Variants in SETDB1 observed in about 807,000 individuals in gnomAD.
The protein encoded by SETDB1 is SET domain bifurcated histone lysine methyltransferase 1, also known as histone-lysine N-methyltransferase SETDB1.
SETDB1 carries 31 observed loss-of-function variants against 137.4 expected under a neutral mutation model. The ratio of observed to expected loss-of-function variants is 0.23; its 90% CI spans 0.17 to 0.30. SETDB1 has a LOEUF of 0.30. Ranked by LOEUF, SETDB1 falls within the 10% of genes least tolerant of loss-of-function variation. SETDB1 has a pLI of 1.00. For synonymous variants in SETDB1, 548 were observed against 579.9 expected, an observed-to-expected ratio of 0.95 and a Z score of 0.79; for missense variants, 1,113 against 1,631.5, an observed-to-expected ratio of 0.68 and a Z score of 5.47.
chr1:150,940,029 T>G, intron 4 of SETDB1, 55 bp downstream of exon 4: 1 of 1,419,396 alleles, frequency 7.0e-7, no homozygotes, highest in Non-Finnish European at 9.9e-7. Flanking sequence ...AATAGGAGAA[T>G]TTTTTGGCCT....
At chr1:150,948,460 G>A (rs1239781274) in intron 10 of SETDB1, among the ~76,000 whole-genome samples, 3 of 151,820 alleles carry the variant, frequency 2.0e-5, no homozygotes, top group Non-Finnish European at 2.9e-5. Flanking sequence ...TAGTAGAGAC[G>A]GGATTTCTCC....
intron 2 of SETDB1, chr1:150,928,295 T>C: frequency 3.4e-6 from 1 of 294,912 alleles, no homozygotes. Context: ...TTTTATACTT[T>C]ATGAAGTACA....
chr1:150,938,858 A>G (rs1400779156), intron 3 of SETDB1, among the ~76,000 whole-genome samples: 1 of 129,390 alleles, frequency 7.7e-6, no homozygotes, highest in African/African-American at 3.0e-5. Context: ...ACGGGGTCTT[A>G]CTCTGTCACC....
chr1:150,955,859 C>T (rs587659157), intron 14 of SETDB1, among the ~76,000 whole-genome samples: 9 of 152,028 alleles, frequency 5.9e-5, no homozygotes, highest in East Asian at 3.9e-4. Context: ...GAGGCCAAGG[C>T]GGGCAGATCA....
chr1:150,945,172 A>G (rs753561423), intron 9 of SETDB1, 64 bp downstream of exon 9: 1 of 1,602,112 alleles, frequency 6.2e-7, no homozygotes, highest in South Asian at 1.1e-5. Context: ...AGAAGCAGTA[A>G]TGAGGATGGT....
At chr1:150,951,112 C>G (rs1399842232) in intron 13 of SETDB1, 22 bp downstream of exon 13, 1 of 1,589,884 alleles carries the variant, frequency 6.3e-7, no homozygotes, top group Non-Finnish European at 8.6e-7. Flanking sequence ...GGGGGAATTG[C>G]TGCCCCTGCT....
chr1:150,952,744 G>A (rs1014975017), intron 14 of SETDB1, among the ~76,000 whole-genome samples: 2 of 151,992 alleles, frequency 1.3e-5, no homozygotes, highest in Non-Finnish European at 2.9e-5. Context: ...AAAATTAGCC[G>A]GGCATGGTGG....
intron 14 of SETDB1, among the ~76,000 whole-genome samples, chr1:150,952,701 G>T (rs1272659659): frequency 6.6e-6 from 1 of 151,454 alleles, no homozygotes; most frequent in Non-Finnish European, 1.5e-5. Flanking sequence ...CCAACATGGA[G>T]AAATCCCGTC....
intron 15 of SETDB1, 61 bp downstream of exon 15, chr1:150,959,408 G>C: frequency 7.3e-7 from 1 of 1,373,200 alleles, no homozygotes; most frequent in Non-Finnish European, 1.0e-6. Context: ...AATTGAACCA[G>C]AGACAAATTG....
chr1:150,963,582 A>G lies in SETDB1; in HGVS notation c.3513A>G (p.Lys1171=), dbSNP rs773165978. The G allele has an allele frequency of 9.7e-5, 156 of 1,614,014 alleles. No homozygotes were observed. Among genetic ancestry groups the G allele is most frequent in the Non-Finnish European group, 1.2e-4 (143 of 1,179,970 alleles). ...AATCAACCCGAGGCTTTGCTCTTAA[A>G]TCAACCCATGGGATTGCAATTAAAT... The part of the protein sequence containing the change: ...AVKSTRGFAL[K]STHGIAIKST... Residue 1171 remains lysine (K), a synonymous_variant, in exon 20 of 22, where the codon AAA becomes AAG. Transcript: ENST00000692827.
In SETDB1 at chr1:150,949,485, A is replaced by C; in HGVS notation, c.1543A>C (p.Asn515His). 6.2e-7 allele frequency: 1 copy of C among 1,614,054 alleles called. No homozygotes were observed. The highest frequency in any genetic ancestry group is 8.5e-7 in the Non-Finnish European group (1 of 1,180,004). Residue 515 changes from asparagine (N) to histidine (H), a missense_variant, in exon 12 of 22, where the codon AAT becomes CAT. Physicochemically the swap from Asn to His is moderately conservative, Grantham distance 68. Around this residue, in one of 11 missense-constraint regions of SETDB1, gnomAD observed 192 missense variants for 198.1 expected, o/e 0.97. Transcript: ENST00000692827. ...SSPTSPALSE[N>H]VSGGKPGINQ... ...CCCTACATCTCCTGCACTCAGTGAAAATGTCTCTGGTGGGAAACCTGGGAT... is the reference window on the plus strand; with the variant it reads ...CCCTACATCTCCTGCACTCAGTGAACATGTCTCTGGTGGGAAACCTGGGAT...
chr1:150,936,493 A>G (rs1187716023), intron 3 of SETDB1, among the ~76,000 whole-genome samples: 1 of 152,182 alleles, frequency 6.6e-6, no homozygotes, highest in Non-Finnish European at 1.5e-5. Context: ...GCAGCATGGT[A>G]TTCCATTGTA....
At chr1:150,963,287 A>G in intron 19 of SETDB1, 148 bp downstream of exon 19, 2 of 775,370 alleles carry the variant, frequency 2.6e-6, no homozygotes, top group East Asian at 2.7e-5. Context: ...ACTCCAAGCT[A>G]AACTATTGTT....
At chr1:150,936,025 C>T (rs1207745783) in intron 3 of SETDB1, among the ~76,000 whole-genome samples, 2 of 152,156 alleles carry the variant, frequency 1.3e-5, no homozygotes, top group South Asian at 2.1e-4. Flanking sequence ...CTCGCTCTGT[C>T]GCCCAGGCTG....
intron 1 of SETDB1, among the ~76,000 whole-genome samples, chr1:150,927,003 C>A (rs954450475): frequency 6.6e-6 from 1 of 152,128 alleles, no homozygotes; most frequent in African/African-American, 2.4e-5. Flanking sequence ...AACTCCATCC[C>A]CAGGTGGGGT....
intron 7 of SETDB1, 106 bp downstream of exon 7, chr1:150,943,159 C>A: frequency 1.3e-6 from 1 of 747,898 alleles, no homozygotes; most frequent in Non-Finnish European, 2.3e-6. Context: ...TCTTAGTCCC[C>A]AGTGGACTGA....
At position 150,961,400 on chromosome 1, in the gene SETDB1, C is replaced by T. The variant is rs1000362674; in HGVS notation, c.3132+209C>T. On this transcript the variant is annotated intron_variant, in intron 16 of 21. Transcript: ENST00000692827. ...GGGCACAGTGGCTCACACCTGTAAT[C>T]CCAACACTTTGGGAGGCCGAGGCAG... 18 of 542,452 alleles carry T rather than the reference C, an allele frequency of 3.3e-5. 2 individuals carry two copies. In the South Asian group the frequency reaches 3.7e-4, roughly 11 times the overall value. The allele number at this position is 542,452 out of a possible 1,614,324, so 33.6% of individuals were successfully genotyped here.
At chr1:150,951,149 A>C (rs959845662) in intron 13 of SETDB1, 59 bp downstream of exon 13, 11 of 1,529,860 alleles carry the variant, frequency 7.2e-6, no homozygotes, top group Admixed American at 3.7e-5. Context: ...TGTCTGTTTC[A>C]CCTCTTCCTT....
chr1:150,962,927 G>T (rs1670868071), intron 18 of SETDB1, 47 bp from the exon 19 acceptor site: 1 of 1,597,376 alleles, frequency 6.3e-7, no homozygotes, highest in Admixed American at 1.7e-5. Context: ...ACTTAAAGGA[G>T]CCCTTCCCAT....
Sources: allele counts gnomAD v4.1 joint callset (sites outside exome capture counted in the v4.1 genomes callset), GRCh38; gene constraint gnomAD v4.1.1; regional missense constraint gnomAD v4.1.1; transcripts MANE v1.5; gene names NCBI Gene and HGNC (gene_info 2026-07-23, HGNC 2026-07-21).